Variants in EYS observed in about 807,000 individuals in gnomAD.
The protein encoded by EYS is protein eyes shut homolog.
Under a neutral mutation model 282.1 loss-of-function variants are expected in EYS, and 250 were observed. The ratio of observed to expected loss-of-function variants is 0.89; its 90% CI spans 0.80 to 0.98. The LOEUF is 0.98. Ranked by LOEUF, EYS falls within the 50% of genes least tolerant of loss-of-function variation. EYS has a pLI of 0.00. For missense variants in EYS, 4,016 were observed against 3,709.0 expected (o/e 1.08, Z -2.15); for synonymous variants, 1,355 against 1,282.9 (o/e 1.06, Z -1.20).
intron 22 of EYS, among the ~76,000 whole-genome samples, chr6:64,718,958 T>C (rs1339853212): frequency 1.3e-5 from 2 of 152,196 alleles, no homozygotes; most frequent in Non-Finnish European, 2.9e-5. Flanking sequence ...AAGAGTATCC[T>C]GGATGACCCA....
intron 35 of EYS, among the ~76,000 whole-genome samples, chr6:63,968,769 A>G (rs1582050307): frequency 6.6e-6 from 1 of 152,292 alleles, no homozygotes; most frequent in East Asian, 1.9e-4. Flanking sequence ...AAAAGGGTTG[A>G]TGATGTTCAC....
rs571256688 is a variant in EYS, at chr6:65,614,376, G to A, written c.-333+25402C>T. 1.5e-4 allele frequency among the ~76,000 whole-genome samples: 23 copies of A among 152,064 alleles called. 1 individual carries two copies. The highest frequency in any genetic ancestry group is 5.5e-4 in the African/African-American group (23 of 41,516). ...CAAAGCTTTAATTCATTTAATGTCCGTATATTTGGTAAAAATGGTAATATG... is the reference window on the plus strand; with the variant it reads ...CAAAGCTTTAATTCATTTAATGTCCATATATTTGGTAAAAATGGTAATATG... On this transcript the variant is annotated intron_variant, in intron 2 of 42. Transcript: ENST00000503581.
intron 31 of EYS, among the ~76,000 whole-genome samples, chr6:64,095,119 C>T (rs943965246): frequency 3.9e-5 from 6 of 152,100 alleles, no homozygotes; most frequent in Non-Finnish European, 8.8e-5. Flanking sequence ...GTCTGAGAGA[C>T]AGTTTGTTAT....
chr6:64,026,342 C>A (rs1039848489), intron 33 of EYS, among the ~76,000 whole-genome samples: 1 of 152,074 alleles, frequency 6.6e-6, no homozygotes, highest in Non-Finnish European at 1.5e-5. Flanking sequence ...AAACCATGGG[C>A]GGTTTTGTCT....
At chr6:64,906,275 C>A (rs1583281491) in intron 16 of EYS, among the ~76,000 whole-genome samples, 1 of 150,934 alleles carries the variant, frequency 6.6e-6, no homozygotes, top group East Asian at 1.9e-4. Flanking sequence ...TTAAAGTGAA[C>A]TTAAAAAAAA....
chr6:64,768,160 C>T (rs56763368), intron 22 of EYS, among the ~76,000 whole-genome samples: 15,098 of 151,830 alleles, frequency 0.099, 981 homozygotes, highest in East Asian at 0.22. Flanking sequence ...TTAAACTATT[C>T]TGTTTGATTC....
At chr6:65,513,712 C>A (rs888040877) in intron 2 of EYS, among the ~76,000 whole-genome samples, 1 of 151,942 alleles carries the variant, frequency 6.6e-6, no homozygotes, top group African/African-American at 2.4e-5. Context: ...TCAATAGATG[C>A]AGAAAAGGCC....
intron 19 of EYS, among the ~76,000 whole-genome samples, chr6:64,870,713 A>G (rs1021431167): frequency 1.3e-5 from 2 of 151,810 alleles, no homozygotes; most frequent in Non-Finnish European, 2.9e-5. Flanking sequence ...ATATGAACAA[A>G]TTGGAAATAT....
chr6:64,453,666 A>C (rs895810469), intron 26 of EYS, among the ~76,000 whole-genome samples: 1 of 152,238 alleles, frequency 6.6e-6, no homozygotes, highest in East Asian at 1.9e-4. Flanking sequence ...ACCATGGGAT[A>C]CTATGCAGCC....
rs2149832362 is a variant in EYS, at chr6:64,591,675, A to C, written c.4192T>G (p.Leu1398Val). Residue 1398 changes from leucine to valine, a missense_variant, in exon 26 of 43, where the codon TTA (leucine) becomes GTA (valine). By Grantham distance (32) the Leu-to-Val change is conservative (BLOSUM62 1). Coordinates refer to ENST00000503581, the MANE Select transcript of EYS (RefSeq NM_001142800.2). ...GTAGGAAAAATAAAATCTGACATTA[A>C]GGAAGACATGATAAATGGGGTCCTT... ...RARTPFIMSSLMSDFIFPTQS... is the reference protein window; with the variant it reads ...RARTPFIMSSVMSDFIFPTQS... 1 of 1,551,366 alleles carries C rather than the reference A, an allele frequency of 6.4e-7. No individual in the cohort carries two copies. Among genetic ancestry groups the C allele is most frequent in the East Asian group, 2.4e-5 (1 of 40,904 alleles).
chr6:64,151,282 AAT>A (rs1273625274), intron 31 of EYS, among the ~76,000 whole-genome samples: 3 of 132,626 alleles, frequency 2.3e-5, no homozygotes, highest in South Asian at 2.4e-4. Context: ...TTACAGTGGA[AAT>A]ATATATGTTT....
chr6:65,690,603 A>G lies in EYS; in HGVS notation c.-448+16532T>C, dbSNP rs950832436. On this transcript the variant is annotated intron_variant, in intron 1 of 42. Transcript: ENST00000503581. ...TGGCATTGTCTTAACACAATCCTGC[A>G]TGCAATTTTGTATTTACAATAATCA... 5.3e-5 allele frequency among the ~76,000 whole-genome samples: 8 copies of G among 150,194 alleles called. 1 individual carries two copies. The South Asian group carries it at 1.3e-3, about 24-fold the overall frequency.
chr6:65,096,605 A>G (rs1397550287), intron 12 of EYS, among the ~76,000 whole-genome samples: 1 of 151,048 alleles, frequency 6.6e-6, no homozygotes, highest in Non-Finnish European at 1.5e-5. Context: ...AAGCTATGAC[A>G]ATTAAAGTAA....
intron 29 of EYS, among the ~76,000 whole-genome samples, chr6:64,349,864 GT>G (rs969134576): frequency 3.3e-5 from 5 of 151,462 alleles, no homozygotes; most frequent in African/African-American, 7.2e-5. Context: ...AAAATATGTA[GT>G]TTTTTTCCCG....
At chr6:64,053,660 A>C (rs905952204) in intron 33 of EYS, among the ~76,000 whole-genome samples, 9 of 152,180 alleles carry the variant, frequency 5.9e-5, no homozygotes, top group African/African-American at 2.2e-4. Flanking sequence ...CTACAGGTGA[A>C]GACCAAGAAG....
At chr6:65,575,658 T>C (rs181795199) in intron 2 of EYS, among the ~76,000 whole-genome samples, 1 of 151,880 alleles carries the variant, frequency 6.6e-6, no homozygotes, top group Non-Finnish European at 1.5e-5. Context: ...AAATTAAAAT[T>C]TGTGTTCTTT....
At chr6:64,440,600 A>AT (rs540468297) in intron 26 of EYS, among the ~76,000 whole-genome samples, 15 of 151,938 alleles carry the variant, frequency 9.9e-5, no homozygotes, top group African/African-American at 2.9e-4. Context: ...ATAGGGACGT[A>AT]TTTTTTTTCC....
At chr6:65,306,056 T>A (rs1421207945) in intron 11 of EYS, among the ~76,000 whole-genome samples, 1 of 152,186 alleles carries the variant, frequency 6.6e-6, no homozygotes, top group African/African-American at 2.4e-5. Flanking sequence ...AGGTTTAGAT[T>A]TGTGAAGGAA....
At chr6:64,770,742 C>A (rs1307103458) in intron 22 of EYS, among the ~76,000 whole-genome samples, 1 of 151,766 alleles carries the variant, frequency 6.6e-6, no homozygotes, top group Non-Finnish European at 1.5e-5. Flanking sequence ...TAGCAGTATT[C>A]ATAAAGGAAC....
Sources: gnomAD v4.1 joint callset for allele counts (sites outside exome capture counted in the v4.1 genomes callset) on GRCh38, gnomAD v4.1.1 for gene constraint, MANE v1.5 for transcripts, NCBI Gene and HGNC (gene_info 2026-07-23, HGNC 2026-07-21) for gene names.